The following NADSYN1 variants were observed in gnomAD, a reference collection of about 807,000 sequenced individuals.
The protein encoded by NADSYN1 is NAD synthetase 1.
A neutral mutation model predicts 99.3 loss-of-function variants in NADSYN1; 80 were observed. That is an observed-to-expected ratio of 0.81 (90% CI 0.67 to 0.97). The LOEUF is 0.97. Ranked by LOEUF, NADSYN1 falls within the 50% of genes least tolerant of loss-of-function variation. NADSYN1 has a pLI of 0.00. For synonymous variants in NADSYN1, 385 were observed against 372.1 expected (o/e 1.03, Z -0.40); for missense variants, 859 against 948.5 (o/e 0.91, Z 1.24).
Position 71,484,431 on chromosome 11 carries a change from C to G in NADSYN1, c.1439C>G (p.Ala480Gly), listed in dbSNP as rs150460226. Residue 480 changes from alanine (A) to glycine (G), a missense_variant, in exon 15 of 21, where the codon GCG (alanine) becomes GGG (glycine). Coordinates refer to ENST00000319023, the MANE Select transcript of NADSYN1 (RefSeq NM_018161.5). ...AHGGSSRENL[A>G]LQNVQARIRM... ...GGAGGAAGCAGCAGGGAAAACCTGG[C>G]GCTGCAAAATGTGCAGGTGCCCCCG... 1 of 1,613,792 alleles carries G rather than the reference C, an allele frequency of 6.2e-7. No individual in the cohort carries two copies. The highest frequency in any genetic ancestry group is 1.3e-5 in the African/African-American group (1 of 75,054).
intron 9 of NADSYN1, chr11:71,476,483 A>C: frequency 4.5e-6 from 1 of 221,244 alleles, no homozygotes; most frequent in Non-Finnish European, 8.0e-6. Flanking sequence ...ACAAAACCAA[A>C]CCAGTTTCAT....
At chr11:71,482,645 CCG>C (rs1949716582) in intron 13 of NADSYN1, 2 of 386,284 alleles carry the variant, frequency 5.2e-6, no homozygotes, top group African/African-American at 3.3e-5. Context: ...CGGGGTGGAG[CCG>C]CACAGGCACC....
At chr11:71,475,459 A>G (rs1417788180) in intron 9 of NADSYN1, 1 of 152,904 alleles carries the variant, frequency 6.5e-6, no homozygotes, top group African/African-American at 2.4e-5. Flanking sequence ...GACAGAGAAC[A>G]AAGCTAAGAA....
intron 2 of NADSYN1, among the ~76,000 whole-genome samples, chr11:71,457,194 G>A (rs12284909): frequency 0.053 from 8,090 of 152,342 alleles, 609 homozygotes; most frequent in African/African-American, 0.17. Flanking sequence ...CCCATGAAAC[G>A]GATCCGTTGG....
In NADSYN1 at chr11:71,464,035, C is replaced by G. The variant is rs376539751; in HGVS notation, c.318-18C>G. The G allele has an allele frequency of 6.3e-7, 1 of 1,599,936 alleles. No individual in the cohort carries two copies. The highest frequency in any genetic ancestry group is 8.5e-7 in the Non-Finnish European group (1 of 1,171,110). On this transcript the variant is annotated intron_variant, in intron 4 of 20. Transcript: ENST00000319023. Reference sequence around the variant, plus strand: ...TCTCAGGAGCCCGGTGTGCACAGCCCTGTTCCCCTGTCTGCAGGAAGATCC... The same window carrying G: ...TCTCAGGAGCCCGGTGTGCACAGCCGTGTTCCCCTGTCTGCAGGAAGATCC...
intron 18 of NADSYN1, among the ~76,000 whole-genome samples, chr11:71,495,321 C>T (rs1312234323): frequency 7.9e-5 from 12 of 152,188 alleles, no homozygotes; most frequent in Admixed American, 7.9e-4. Context: ...TCCACGTATG[C>T]ATGAATTTCC....
At chr11:71,481,098 G>A in intron 11 of NADSYN1, 1 of 671,012 alleles carries the variant, frequency 1.5e-6, no homozygotes, top group Non-Finnish European at 2.5e-6. Flanking sequence ...GTGACCTTGG[G>A]CCCCAAGGTG....
At position 71,455,552 on chromosome 11, in the gene NADSYN1, C is replaced by A. The variant is rs117321149; in HGVS notation, c.146+382C>A. The A allele has an allele frequency of 2.3e-3, 485 of 208,238 alleles. 2 individuals carry two copies. The highest frequency in any genetic ancestry group is 0.014 in the South Asian group (153 of 11,240). 12.9% of individuals were successfully genotyped at this position (208,238 alleles called of 1,614,324 possible). ...TGAGGCCTTTGGCAGGTGATTGGGT[C>A]ATGAGGGCATGAGAGTGGAGCCTGC... is the stretch of plus-strand genomic sequence containing the variant. On this transcript the variant is annotated intron_variant, in intron 2 of 20. Transcript: ENST00000319023.
At chr11:71,456,027 T>A (rs1412942431) in intron 2 of NADSYN1, among the ~76,000 whole-genome samples, 1 of 152,212 alleles carries the variant, frequency 6.6e-6, no homozygotes, top group Non-Finnish European at 1.5e-5. Context: ...AGCTGCCATC[T>A]GTGCTCTGCT....
At chr11:71,493,659 C>T (rs1477322786) in intron 18 of NADSYN1, among the ~76,000 whole-genome samples, 2 of 152,228 alleles carry the variant, frequency 1.3e-5, no homozygotes, top group Non-Finnish European at 2.9e-5. Context: ...CCGTGACCCT[C>T]CAACTTCCTT....
At chr11:71,473,504 G>T (rs1949642974) in intron 7 of NADSYN1, 65 bp from the exon 8 acceptor site, 7 of 1,541,378 alleles carry the variant, frequency 4.5e-6, no homozygotes, top group Non-Finnish European at 6.3e-6. Flanking sequence ...AGTGCAAGGG[G>T]CTGCCAGGGA....
chr11:71,482,377 C>T (rs912712972), intron 13 of NADSYN1, among the ~76,000 whole-genome samples: 7 of 152,212 alleles, frequency 4.6e-5, no homozygotes, highest in African/African-American at 1.7e-4. Flanking sequence ...AGCAGAACAG[C>T]GGTGATGATG....
intron 1 of NADSYN1, 63 bp downstream of exon 1, chr11:71,453,444 G>C (rs1949493511): frequency 6.8e-7 from 1 of 1,464,792 alleles, no homozygotes; most frequent in East Asian, 2.4e-5. Flanking sequence ...GCTGGGCCCA[G>C]GCTTGCCCGT....
At chr11:71,456,972 C>T (rs1949518512) in intron 2 of NADSYN1, among the ~76,000 whole-genome samples, 1 of 152,240 alleles carries the variant, frequency 6.6e-6, no homozygotes, top group Non-Finnish European at 1.5e-5. Context: ...GAGACCCTCT[C>T]ACCTAGAAAA....
chr11:71,480,737 T>G lies in NADSYN1; in HGVS notation c.874-18T>G, dbSNP rs775571838. On this transcript the variant is annotated intron_variant, in intron 10 of 20. Coordinates refer to ENST00000319023, the MANE Select transcript of NADSYN1 (RefSeq NM_018161.5). ...CCGTGAAGCTGGGAGTCATTCTGTC[T>G]TGAATCTCCATTGCCAGGCCAGCAG... 2.5e-6 allele frequency: 4 copies of G among 1,613,998 alleles called. No individual in the cohort carries two copies. The South Asian group carries it at 3.3e-5, about 13-fold the overall frequency.
At position 71,464,082 on chromosome 11, in the gene NADSYN1, C is replaced by G. The variant is rs1175210907; in HGVS notation, c.347C>G (p.Ala116Gly). The G allele has an allele frequency of 1.2e-6, 2 of 1,612,710 alleles. No individual in the cohort carries two copies. Among genetic ancestry groups the G allele is most frequent in the South Asian group, 2.2e-5 (2 of 90,666 alleles). ...RKILLIRPKM[A>G]LANEGNYREL... The stretch of plus-strand genomic sequence containing the variant: ...ATCCTGCTCATCAGACCCAAGATGG[C>G]CTTGGCCAATGAAGGCAACTACCGC... The change falls in exon 5 of 21, where the codon GCC becomes GGC. Residue 116 changes from alanine (A) to glycine (G), a missense_variant. Physicochemically the swap from Ala to Gly is moderately conservative, Grantham distance 60 (BLOSUM62 0). Coordinates refer to ENST00000319023, the MANE Select transcript of NADSYN1 (RefSeq NM_018161.5).
intron 18 of NADSYN1, among the ~76,000 whole-genome samples, chr11:71,496,107 T>C (rs1225782302): frequency 6.6e-6 from 1 of 152,186 alleles, no homozygotes; most frequent in Non-Finnish European, 1.5e-5. Flanking sequence ...GCAGACAGGC[T>C]GCATCTGCTC....
At chr11:71,494,807 G>T (rs1277902158) in intron 18 of NADSYN1, among the ~76,000 whole-genome samples, 1 of 152,104 alleles carries the variant, frequency 6.6e-6, no homozygotes, top group Non-Finnish European at 1.5e-5. Context: ...CACCCACCTC[G>T]GCCTCCCAAA....
rs1159979763 is a variant in NADSYN1 at position 71,480,780 on chromosome 11, G to C, written c.899G>C (p.Arg300Thr). The change falls in exon 11 of 21, where the codon AGA becomes ACA. Residue 300 changes from arginine (R) to threonine (T), a missense_variant. Coordinates refer to ENST00000319023, the MANE Select transcript of NADSYN1 (RefSeq NM_018161.5). The stretch of plus-strand genomic sequence containing the variant: ...GCCAGCAGGGCGAGCCCCTACCCCA[G>C]AGTGAAGGTGGACTTTGCCCTCTCG... ...LAASRASPYPRVKVDFALSCH... is the reference protein window; with the variant it reads ...LAASRASPYPTVKVDFALSCH... The C allele has an allele frequency of 1.9e-6, 3 of 1,614,172 alleles. No individual in the cohort carries two copies.
Sources: gnomAD v4.1 joint callset for allele counts (sites outside exome capture counted in the v4.1 genomes callset) on GRCh38, gnomAD v4.1.1 for gene constraint, MANE v1.5 for transcripts, NCBI Gene and HGNC (gene_info 2026-07-23, HGNC 2026-07-21) for gene names.